Variants in TRIM69 observed in about 807,000 individuals in gnomAD.
TRIM69 encodes the protein E3 ubiquitin-protein ligase TRIM69.
A neutral mutation model predicts 37.7 loss-of-function variants in TRIM69; 29 were observed. That is an observed-to-expected ratio of 0.77 (90% CI 0.57 to 1.05). The LOEUF (loss-of-function observed/expected upper bound fraction) is 1.05, where lower values mean the gene tolerates loss of function less well. Ranked by LOEUF, TRIM69 falls within the 50% of genes least tolerant of loss-of-function variation. The pLI is 0.00. For synonymous variants in TRIM69, 209 were observed against 212.4 expected (o/e 0.98, Z 0.14); for missense variants, 596 against 579.9 (o/e 1.03, Z -0.28).
chr15:44,758,411 T>G (rs1196115854), intron 3 of TRIM69: 1 of 723,226 alleles, frequency 1.4e-6, no homozygotes, highest in Non-Finnish European at 2.2e-6. Flanking sequence ...CACTTTTGCC[T>G]ATTTCATCCT....
chr15:44,762,386 C>CT (rs2087795011), intron 6 of TRIM69, among the ~76,000 whole-genome samples: 1 of 152,046 alleles, frequency 6.6e-6, no homozygotes, highest in Non-Finnish European at 1.5e-5. Flanking sequence ...CTGCTTGGAT[C>CT]TAAGGGTTTA....
intron 1 of TRIM69, among the ~76,000 whole-genome samples, chr15:44,752,096 T>C (rs1393145438): frequency 1.3e-5 from 2 of 152,124 alleles, no homozygotes; most frequent in Admixed American, 6.5e-5. Context: ...TTTCTAATAT[T>C]ACTTATAATT....
intron 1 of TRIM69, among the ~76,000 whole-genome samples, chr15:44,748,404 A>T (rs1404130921): frequency 6.6e-6 from 1 of 152,186 alleles, no homozygotes. Context: ...TTACACCATT[A>T]GACCTTTAGG....
At chr15:44,754,640 G>C in intron 1 of TRIM69, 1 of 408,272 alleles carries the variant, frequency 2.4e-6, no homozygotes, top group Admixed American at 4.0e-5. Context: ...TGGGTAAAGA[G>C]AGAGATGTAC....
chr15:44,762,001 C>G (rs28812298), intron 6 of TRIM69, among the ~76,000 whole-genome samples: 20,672 of 152,090 alleles, frequency 0.14, 1,690 homozygotes, highest in African/African-American at 0.22. Context: ...TGGAGTCTCA[C>G]TCTGTCACCC....
At chr15:44,739,794 G>T (rs542893692) in intron 1 of TRIM69, among the ~76,000 whole-genome samples, 1 of 151,838 alleles carries the variant, frequency 6.6e-6, no homozygotes, top group Admixed American at 6.6e-5. Context: ...CTCCACCTCT[G>T]GGGGCAGGGC....
Position 44,756,235 on chromosome 15 carries a change from G to A in TRIM69, c.484-133G>A, listed in dbSNP as rs372033336. On this transcript the variant is annotated intron_variant, in intron 2 of 6. Transcript: ENST00000329464. Reference sequence around the variant, plus strand: ...AATTCTTGAACGAGACAAGAACTATGATACAGGGGAAGGGGAAGATTTTTG... The same window carrying A: ...AATTCTTGAACGAGACAAGAACTATAATACAGGGGAAGGGGAAGATTTTTG... 28 of 606,332 alleles carry A rather than the reference G, an allele frequency of 4.6e-5. No individual in the cohort carries two copies. In the African/African-American group the frequency reaches 5.0e-4, roughly 11 times the overall value. 37.6% of individuals were successfully genotyped at this position (606,332 alleles called of 1,614,324 possible).
chr15:44,739,560 G>A (rs1365482850), intron 1 of TRIM69, among the ~76,000 whole-genome samples: 1 of 152,206 alleles, frequency 6.6e-6, no homozygotes, highest in African/African-American at 2.4e-5. Context: ...TTAAAGAACG[G>A]TGCACCAGGA....
At chr15:44,752,992 A>G (rs1429372362) in intron 1 of TRIM69, 1 of 152,076 alleles carries the variant, frequency 6.6e-6, no homozygotes. Flanking sequence ...ACACATAACT[A>G]TTGTTTTGTG....
chr15:44,762,944 T>C (rs938621492), intron 6 of TRIM69, among the ~76,000 whole-genome samples: 21 of 152,196 alleles, frequency 1.4e-4, no homozygotes, highest in Non-Finnish European at 2.4e-4. Context: ...TTTTAGATTT[T>C]TTAATTTTAC....
intron 6 of TRIM69, among the ~76,000 whole-genome samples, chr15:44,762,890 C>G (rs1566900598): frequency 6.6e-6 from 1 of 151,984 alleles, no homozygotes; most frequent in Non-Finnish European, 1.5e-5. Flanking sequence ...CTTTGTATGG[C>G]TAGTAATCTT....
Position 44,756,398 on chromosome 15 carries a change from G to A in TRIM69, c.514G>A (p.Glu172Lys), listed in dbSNP as rs2087647931. 6.4e-7 allele frequency: 1 copy of A among 1,550,854 alleles called. No individual in the cohort carries two copies. Among genetic ancestry groups the A allele is most frequent in the Non-Finnish European group, 8.7e-7 (1 of 1,146,846 alleles). Reference protein sequence around the residue: ...EELAIQQGQLETTLKELQTLR... With the variant: ...EELAIQQGQLKTTLKELQTLR... ...GCTTGCCATCCAACAGGGTCAACTG[G>A]AGACAACTCTGAAGGAGCTTCAGAC... The change falls in exon 3 of 7, where the codon GAG (glutamate) becomes AAG (lysine). Residue 172 changes from glutamate to lysine, a missense_variant. Coordinates refer to ENST00000329464, the MANE Select transcript of TRIM69 (RefSeq NM_182985.5).
At chr15:44,751,676 G>T (rs940495615) in intron 1 of TRIM69, among the ~76,000 whole-genome samples, 1 of 152,118 alleles carries the variant, frequency 6.6e-6, no homozygotes, top group African/African-American at 2.4e-5. Context: ...TGATGTAGGT[G>T]TTTATAGCTA....
intron 6 of TRIM69, among the ~76,000 whole-genome samples, chr15:44,761,617 G>A (rs2141146646): frequency 6.6e-6 from 1 of 152,210 alleles, no homozygotes; most frequent in East Asian, 1.9e-4. Context: ...GGCGCGCACT[G>A]CCATGCCTAG....
chr15:44,739,160 C>T (rs2087224596), intron 1 of TRIM69, among the ~76,000 whole-genome samples: 1 of 152,168 alleles, frequency 6.6e-6, no homozygotes, highest in Admixed American at 6.5e-5. Flanking sequence ...ATTCCATACC[C>T]ATTATCAGTC....
chr15:44,761,177 C>T (rs1346061549), intron 6 of TRIM69, among the ~76,000 whole-genome samples: 1 of 152,202 alleles, frequency 6.6e-6, no homozygotes, highest in Non-Finnish European at 1.5e-5. Context: ...CTCAGCCTCC[C>T]AAAGTGCTGG....
rs2087933957 is a variant in TRIM69, at chr15:44,767,745, A to T, written c.1476A>T (p.Glu492Asp). 3 of 1,612,948 alleles carry T rather than the reference A, an allele frequency of 1.9e-6. No individual in the cohort carries two copies. The highest frequency in any genetic ancestry group is 2.5e-6 in the Non-Finnish European group (3 of 1,179,924). ...PCLNDGGENKEPLHILHPQ is the reference protein window; with the variant it reads ...PCLNDGGENKDPLHILHPQ ...TTAATGATGGTGGAGAGAATAAAGA[A>T]CCATTGCACATCTTACATCCACAGT... Residue 492 changes from glutamate to aspartate, a missense_variant, in exon 7 of 7, where the codon GAA becomes GAT. By Grantham distance (45) the Glu-to-Asp change is conservative. Coordinates refer to ENST00000329464, the MANE Select transcript of TRIM69 (RefSeq NM_182985.5).
chr15:44,756,769 A>G (rs2087659515), intron 3 of TRIM69: 1 of 226,372 alleles, frequency 4.4e-6, no homozygotes, highest in Admixed American at 5.5e-5. Flanking sequence ...TGGCAAAAAA[A>G]AAAAAGGAAC....
At chr15:44,761,451 T>G (rs911381192) in intron 6 of TRIM69, among the ~76,000 whole-genome samples, 1 of 152,148 alleles carries the variant, frequency 6.6e-6, no homozygotes, top group Non-Finnish European at 1.5e-5. Context: ...ATTGTGGTTT[T>G]AATTTGTATA....
Sources: allele counts gnomAD v4.1 joint callset (sites outside exome capture counted in the v4.1 genomes callset), GRCh38; gene constraint gnomAD v4.1.1; transcripts MANE v1.5; gene names NCBI Gene and HGNC (gene_info 2026-07-23, HGNC 2026-07-21).